TCEANC2: variants seen among roughly 807,000 people sequenced by gnomAD.
The protein encoded by TCEANC2 is transcription elongation factor A N-terminal and central domain-containing protein 2.
A neutral mutation model predicts 22.8 loss-of-function variants in TCEANC2; 20 were observed. The observed-to-expected ratio is 0.88, with a 90% CI of 0.62 to 1.28. The LOEUF (loss-of-function observed/expected upper bound fraction) is 1.28. TCEANC2 is among the 50% of genes most tolerant of loss of function. The pLI is 0.00. For synonymous variants in TCEANC2, 84 were observed against 95.5 expected (o/e 0.88, Z 0.70); for missense variants, 251 against 249.7 (o/e 1.01, Z -0.03).
chr1:54,088,587 CCTGTTCCAGGTCACA>C lies in TCEANC2; in HGVS notation c.245-5_254del. On this transcript the variant is annotated splice_acceptor_variant and splice_polypyrimidine_tract_variant and coding_sequence_variant and intron_variant, in exon 4 of 5. Transcript: ENST00000234827. LOFTEE classifies it high-confidence loss of function. ...CAACCTTTCCTTTGGTTTTTCTCTT[CCTGTTCCAGGTCACA>C]CTGTGAACAAGATGCGTAAACACTC... 6.3e-7 allele frequency: 1 copy of C among 1,588,108 alleles called. No homozygotes were observed. Among genetic ancestry groups the C allele is most frequent in the Non-Finnish European group, 8.5e-7 (1 of 1,171,694 alleles).
rs36005233 is a variant in TCEANC2, at chr1:54,099,743, CAA to C, written c.*3286_*3287del. On this transcript the variant is annotated 3_prime_UTR_variant, in exon 5 of 5. Coordinates refer to ENST00000234827, the MANE Select transcript of TCEANC2 (RefSeq NM_153035.3). ...TGGGCAACAGAGTGAGACTCTGTCT[CAA>C]AAAAAAAAAAAAAAAGAGAAAAAGA... The C allele has an allele frequency of 8.1e-3, 879 of 108,190 alleles. 10 individuals are homozygous for C. The highest frequency in any genetic ancestry group is 0.026 in the African/African-American group (771 of 30,104). 6.7% of individuals were successfully genotyped at this position (108,190 alleles called of 1,614,324 possible). A position where few individuals can be genotyped will look rare whatever the true frequency, so the allele number is the denominator to read the frequency against.
At chr1:54,064,226 A>G (rs1361027011) in intron 2 of TCEANC2, among the ~76,000 whole-genome samples, 3 of 152,228 alleles carry the variant, frequency 2.0e-5, no homozygotes, top group Non-Finnish European at 4.4e-5. Flanking sequence ...GAGATAAGAA[A>G]ACAATCTCAA....
At chr1:54,067,798 T>G (rs563105388) in intron 2 of TCEANC2, among the ~76,000 whole-genome samples, 1 of 152,142 alleles carries the variant, frequency 6.6e-6, no homozygotes, top group Non-Finnish European at 1.5e-5. Context: ...TGTAAGTATA[T>G]ATGAGGAATT....
At position 54,104,887 on chromosome 1, in the gene TCEANC2, G is replaced by C. The variant is rs962313174; in HGVS notation, c.*8414G>C. 3.4e-6 allele frequency: 1 copy of C among 297,526 alleles called. No individual in the cohort carries two copies. The highest frequency in any genetic ancestry group is 8.6e-5 in the East Asian group (1 of 11,628). The allele number at this position is 297,526 out of a possible 1,614,324, so 18.4% of individuals were successfully genotyped here. ...ATAATTATACAAGTGCCCAGACCGTGACCTGAGCAGGATATGCTGACTTCA... is the reference window on the plus strand; with the variant it reads ...ATAATTATACAAGTGCCCAGACCGTCACCTGAGCAGGATATGCTGACTTCA... On this transcript the variant is annotated 3_prime_UTR_variant, in exon 5 of 5. Transcript: ENST00000234827.
At position 54,096,889 on chromosome 1, in the gene TCEANC2, C is replaced by T. The variant is rs1232407666; in HGVS notation, c.*416C>T. The T allele has an allele frequency of 4.0e-6, 4 of 990,068 alleles. No individual in the cohort carries two copies. In the East Asian group the frequency reaches 3.3e-4, roughly 82 times the overall value. 61.3% of individuals were successfully genotyped at this position (990,068 alleles called of 1,614,324 possible). ...CGCTGCCGCTCACTCGGTTCCATCCCCCTGAGTTTAGATAGCTCTGGTGCC... is the reference window on the plus strand; with the variant it reads ...CGCTGCCGCTCACTCGGTTCCATCCTCCTGAGTTTAGATAGCTCTGGTGCC... On this transcript the variant is annotated 3_prime_UTR_variant, in exon 5 of 5. Transcript: ENST00000234827. This position sits in a 1 kb window ranked among gnomAD's most constrained non-coding sequence, Gnocchi z 4.9.
chr1:54,104,347 T>G lies in TCEANC2; in HGVS notation c.*7874T>G. On this transcript the variant is annotated 3_prime_UTR_variant, in exon 5 of 5. Transcript: ENST00000234827. ...ATCAAGATTACTATGAACTATTAGCTGTGACTGCACCCGGGCACTTGAGCT... is the reference window on the plus strand; with the variant it reads ...ATCAAGATTACTATGAACTATTAGCGGTGACTGCACCCGGGCACTTGAGCT... The G allele has an allele frequency of 4.3e-6, 1 of 232,524 alleles. No individual in the cohort carries two copies. The highest frequency in any genetic ancestry group is 9.0e-6 in the Non-Finnish European group (1 of 111,378). 14.4% of individuals were successfully genotyped at this position (232,524 alleles called of 1,614,324 possible). A position where few individuals can be genotyped will look rare whatever the true frequency, so the allele number is the denominator to read the frequency against.
chr1:54,062,444 A>T (rs1389615449), intron 2 of TCEANC2, among the ~76,000 whole-genome samples: 2 of 152,212 alleles, frequency 1.3e-5, no homozygotes, highest in Non-Finnish European at 2.9e-5. Flanking sequence ...CTAAAATTTC[A>T]TATCTGAAAA....
chr1:54,080,897 C>T (rs896184108), intron 3 of TCEANC2, among the ~76,000 whole-genome samples: 2 of 152,144 alleles, frequency 1.3e-5, no homozygotes, highest in Non-Finnish European at 2.9e-5. Context: ...TTTTGCAGAT[C>T]ATTAACTTCC....
chr1:54,081,540 G>A (rs182538220), intron 3 of TCEANC2, among the ~76,000 whole-genome samples: 16 of 152,246 alleles, frequency 1.1e-4, no homozygotes, highest in African/African-American at 3.6e-4. Context: ...GCCACCATGC[G>A]CAGCCTGTCA....
chr1:54,089,431 CT>C (rs1276031918), intron 4 of TCEANC2, among the ~76,000 whole-genome samples: 1 of 152,164 alleles, frequency 6.6e-6, no homozygotes, highest in East Asian at 1.9e-4. Context: ...ACCTTCATGG[CT>C]TACAATTCAG....
intron 4 of TCEANC2, chr1:54,089,709 A>T (rs1351716517): frequency 7.8e-6 from 2 of 256,540 alleles, no homozygotes; most frequent in East Asian, 8.4e-5. Context: ...TCTAAAAAAA[A>T]TTTTAGCCTT....
intron 4 of TCEANC2, among the ~76,000 whole-genome samples, chr1:54,091,554 T>C (rs1658447564): frequency 6.6e-6 from 1 of 152,198 alleles, no homozygotes; most frequent in African/African-American, 2.4e-5. Context: ...TCATATCCTT[T>C]AATAGTGAAA....
chr1:54,093,286 G>A (rs771332113), intron 4 of TCEANC2, among the ~76,000 whole-genome samples: 2 of 152,036 alleles, frequency 1.3e-5, no homozygotes, highest in African/African-American at 2.4e-5. Flanking sequence ...CACCCAGAAG[G>A]GCTCACCTAA....
Position 54,072,631 on chromosome 1 carries a change from G to A in TCEANC2, c.244+3734G>A, listed in dbSNP as rs201219396. Among the ~76,000 whole-genome samples, 23 of 152,258 alleles carry A rather than the reference G, an allele frequency of 1.5e-4. No individual in the cohort carries two copies. In the East Asian group the frequency reaches 3.3e-3, roughly 22 times the overall value. On this transcript the variant is annotated intron_variant, in intron 3 of 4. Transcript: ENST00000234827. ...AGGATGGTCTCGATCTCTTGACCTC[G>A]TGATCTGCCTGCCTCAGACTCCCAA... is the stretch of plus-strand genomic sequence containing the variant.
chr1:54,112,181 AAACAAC>A (rs141103002), exon 5 of TCEANC2: 85,677 of 149,042 alleles, frequency 0.57, 25,909 homozygotes, highest in African/African-American at 0.77. Context: ...CAATTCTACA[AAACAAC>A]AACAACAACA....
chr1:54,094,679 T>C (rs1658510705), intron 4 of TCEANC2, among the ~76,000 whole-genome samples: 1 of 152,226 alleles, frequency 6.6e-6, no homozygotes, highest in Non-Finnish European at 1.5e-5. Flanking sequence ...CCTTAGTCAC[T>C]GTTTATTGCT....
rs1009456283 is a variant in TCEANC2 at position 54,102,572 on chromosome 1, C to T, written c.*6099C>T. Reference sequence around the variant, plus strand: ...AATTCCTAAGATAGAAATAATACAACTGGGGTTGGGCATAGCAGGGCCAGA... The same window carrying T: ...AATTCCTAAGATAGAAATAATACAATTGGGGTTGGGCATAGCAGGGCCAGA... On this transcript the variant is annotated 3_prime_UTR_variant, in exon 5 of 5. Coordinates refer to ENST00000234827, the MANE Select transcript of TCEANC2 (RefSeq NM_153035.3). 1 of 152,282 alleles carries T rather than the reference C, an allele frequency of 6.6e-6. No homozygotes were observed. The highest frequency in any genetic ancestry group is 2.4e-5 in the African/African-American group (1 of 41,460). 9.4% of individuals were successfully genotyped at this position (152,282 alleles called of 1,614,324 possible).
chr1:54,054,852 T>C (rs1569986446), intron 2 of TCEANC2, among the ~76,000 whole-genome samples: 1 of 152,354 alleles, frequency 6.6e-6, no homozygotes, highest in African/African-American at 2.4e-5. Flanking sequence ...ACCTACCCTG[T>C]ACAAACTTAT....
chr1:54,082,639 ACAGGGACATG>A (rs1418034685), intron 3 of TCEANC2, among the ~76,000 whole-genome samples: 2 of 152,214 alleles, frequency 1.3e-5, no homozygotes, highest in African/African-American at 4.8e-5. Flanking sequence ...ATGACCCCAA[ACAGGGACATG>A]CAAGCTGCTC....
Sources: gnomAD v4.1 joint callset for allele counts (sites outside exome capture counted in the v4.1 genomes callset) on GRCh38, gnomAD v4.1.1 for gene constraint, Gnocchi (gnomAD v3.1) non-coding constraint, MANE v1.5 for transcripts, NCBI Gene and HGNC (gene_info 2026-07-23, HGNC 2026-07-21) for gene names.